The following ATF6 variants were observed in gnomAD, a reference collection of about 807,000 sequenced individuals.
The protein encoded by ATF6 is activating transcription factor 6.
Under a neutral mutation model 83.6 loss-of-function variants are expected in ATF6, and 53 were observed. The ratio of observed to expected loss-of-function variants is 0.63; its 90% confidence interval spans 0.51 to 0.80. The LOEUF (loss-of-function observed/expected upper bound fraction) is 0.80, where lower values mean the gene tolerates loss of function less well. Ranked by LOEUF, ATF6 falls within the 30% of genes least tolerant of loss-of-function variation. The pLI is 0.00. For missense variants in ATF6, 744 were observed against 797.9 expected (o/e 0.93, Z 0.81); for synonymous variants, 288 against 285.8 (o/e 1.01, Z -0.08).
At chr1:161,925,133 G>A (rs962955299) in intron 15 of ATF6, among the ~76,000 whole-genome samples, 6 of 152,058 alleles carry the variant, frequency 3.9e-5, no homozygotes, top group African/African-American at 7.2e-5. Flanking sequence ...AAGACCTTCC[G>A]GTTTTTGGAA....
intron 10 of ATF6, among the ~76,000 whole-genome samples, chr1:161,848,747 CTTTAT>C (rs1426194609): frequency 6.6e-6 from 1 of 152,040 alleles, no homozygotes; most frequent in Non-Finnish European, 1.5e-5. Context: ...CTGTCCTTTA[CTTTAT>C]TTACTTTAAT....
chr1:161,872,117 C>T (rs1021166046), intron 14 of ATF6, among the ~76,000 whole-genome samples: 2 of 151,528 alleles, frequency 1.3e-5, no homozygotes, highest in African/African-American at 4.8e-5. Flanking sequence ...GAGATAGGTG[C>T]AGTTATCATC....
At chr1:161,786,804 T>C (rs1450075665) in intron 4 of ATF6, among the ~76,000 whole-genome samples, 4 of 152,216 alleles carry the variant, frequency 2.6e-5, no homozygotes, top group Non-Finnish European at 5.9e-5. Flanking sequence ...TAATCTAACC[T>C]TCAGCTCTCG....
intron 14 of ATF6, among the ~76,000 whole-genome samples, chr1:161,877,227 G>T (rs1009368438): frequency 2.1e-4 from 32 of 152,204 alleles, no homozygotes; most frequent in African/African-American, 7.2e-4. Context: ...AGGAGCATGG[G>T]TTCCAGTGAT....
intron 14 of ATF6, among the ~76,000 whole-genome samples, chr1:161,875,338 T>G (rs1029791149): frequency 2.6e-5 from 4 of 151,884 alleles, no homozygotes; most frequent in African/African-American, 9.6e-5. Flanking sequence ...TTAAAATCCA[T>G]TGGTTGATCT....
intron 15 of ATF6, among the ~76,000 whole-genome samples, chr1:161,949,759 T>A (rs1310058435): frequency 6.6e-6 from 1 of 152,098 alleles, no homozygotes; most frequent in Non-Finnish European, 1.5e-5. Flanking sequence ...AATCAAGAAC[T>A]CGCTCACCCC....
chr1:161,904,471 C>G (rs1200526708), intron 14 of ATF6, among the ~76,000 whole-genome samples: 4 of 152,138 alleles, frequency 2.6e-5, no homozygotes, highest in African/African-American at 7.2e-5. Flanking sequence ...GCATGTAATC[C>G]TAGCTACTCA....
chr1:161,930,907 C>G (rs1387175736), intron 15 of ATF6, among the ~76,000 whole-genome samples: 1 of 150,484 alleles, frequency 6.6e-6, no homozygotes, highest in Non-Finnish European at 1.5e-5. Flanking sequence ...TTTTTTTTCC[C>G]CTGGGGACAT....
intron 15 of ATF6, among the ~76,000 whole-genome samples, chr1:161,947,234 T>G (rs1688764320): frequency 6.6e-6 from 1 of 152,134 alleles, no homozygotes; most frequent in Non-Finnish European, 1.5e-5. Flanking sequence ...AAGTAGGGAT[T>G]TGTAGCCAAG....
intron 1 of ATF6, among the ~76,000 whole-genome samples, chr1:161,767,374 T>G (rs1684288563): frequency 6.6e-6 from 1 of 152,232 alleles, no homozygotes; most frequent in African/African-American, 2.4e-5. Context: ...AGGACAGATG[T>G]TCTCTAAAAC....
At chr1:161,907,339 G>A (rs1687896018) in intron 14 of ATF6, among the ~76,000 whole-genome samples, 4 of 152,152 alleles carry the variant, frequency 2.6e-5, no homozygotes, top group Admixed American at 2.6e-4. Context: ...TTGAAATAAG[G>A]CTAGGTGCTA....
intron 14 of ATF6, among the ~76,000 whole-genome samples, chr1:161,863,631 C>CT (rs1219276079): frequency 6.6e-6 from 1 of 152,134 alleles, no homozygotes; most frequent in Non-Finnish European, 1.5e-5. Context: ...TAAAAATATT[C>CT]TATTTAGGCT....
In ATF6 at chr1:161,883,732, A is replaced by C. The variant is rs574827660; in HGVS notation, c.1719+20420A>C. Among the ~76,000 whole-genome samples, 4 of 152,170 alleles carry C rather than the reference A, an allele frequency of 2.6e-5. No individual in the cohort carries two copies. The East Asian group carries it at 7.7e-4, about 29-fold the overall frequency. On this transcript the variant is annotated intron_variant, in intron 14 of 15. Transcript: ENST00000367942. ...ATCATATAGATTAAAAAATTCTATC[A>C]GCATAGGTTCTGTAATTGTTAATAG...
intron 9 of ATF6, 65 bp downstream of exon 9, chr1:161,821,226 C>A: frequency 1.7e-6 from 2 of 1,148,298 alleles, no homozygotes; most frequent in East Asian, 2.5e-5. Flanking sequence ...TATTCTTTAG[C>A]TTTTGTCATA....
chr1:161,881,229 T>C (rs1687320838), intron 14 of ATF6, among the ~76,000 whole-genome samples: 1 of 152,130 alleles, frequency 6.6e-6, no homozygotes, highest in Admixed American at 6.6e-5. Context: ...TGCTGGGTCT[T>C]CTACTCCAGG....
intron 7 of ATF6, among the ~76,000 whole-genome samples, chr1:161,812,782 C>CTG (rs1685507367): frequency 8.4e-6 from 1 of 118,848 alleles, no homozygotes; most frequent in South Asian, 3.1e-4. Context: ...ATTTTGCCTC[C>CTG]TCTGTGTGTG....
intron 7 of ATF6, among the ~76,000 whole-genome samples, chr1:161,815,665 T>G (rs541443982): frequency 9.9e-5 from 15 of 152,220 alleles, no homozygotes; most frequent in African/African-American, 3.6e-4. Context: ...ATAATTAAAT[T>G]GATAATTAAA....
chr1:161,838,790 C>T (rs891479660), intron 9 of ATF6, among the ~76,000 whole-genome samples: 3 of 152,166 alleles, frequency 2.0e-5, no homozygotes, highest in African/African-American at 4.8e-5. Flanking sequence ...TCCCAGAGCA[C>T]GGTAATCCCT....
intron 15 of ATF6, among the ~76,000 whole-genome samples, chr1:161,938,870 A>T (rs74125048): frequency 6.2e-4 from 95 of 152,208 alleles, no homozygotes; most frequent in African/African-American, 2.2e-3. Flanking sequence ...AGTGGGTTTG[A>T]TAATAATAGT....
Sources: allele counts gnomAD v4.1 joint callset (sites outside exome capture counted in the v4.1 genomes callset), GRCh38; gene constraint gnomAD v4.1.1; transcripts MANE v1.5; gene names NCBI Gene and HGNC (gene_info 2026-07-23, HGNC 2026-07-21).